The following TNS3 variants were observed in gnomAD, a reference collection of about 807,000 sequenced individuals.
TNS3 encodes the protein tensin-3.
A neutral mutation model predicts 140.9 loss-of-function variants in TNS3; 45 were observed. The observed-to-expected ratio is 0.32, with a 90% CI of 0.25 to 0.41. The LOEUF (loss-of-function observed/expected upper bound fraction) is 0.41, where lower values mean the gene tolerates loss of function less well. Among genes scored for constraint, TNS3 ranks in the 10% least tolerant of loss-of-function variants. The pLI, the probability that TNS3 is intolerant of heterozygous loss-of-function variation, is 1.00. For missense variants in TNS3, 1,716 were observed against 1,906.7 expected (o/e 0.90, Z 1.86); for synonymous variants, 815 against 788.4 (o/e 1.03, Z -0.56).
chr7:47,575,038 C>A (rs1262344246), intron 1 of TNS3, among the ~76,000 whole-genome samples: 5 of 151,796 alleles, frequency 3.3e-5, no homozygotes, highest in African/African-American at 1.2e-4. Flanking sequence ...TTTACCAAAG[C>A]TTAAAAAAAA....
intron 23 of TNS3, among the ~76,000 whole-genome samples, chr7:47,301,943 T>C (rs1428740506): frequency 6.6e-6 from 1 of 152,246 alleles, no homozygotes; most frequent in Non-Finnish European, 1.5e-5. Context: ...CACACTGGAA[T>C]GCTCATGGCT....
Position 47,488,212 on chromosome 7 carries a change from T to A in TNS3, c.-114-7071A>T, listed in dbSNP as rs544950462. Among the ~76,000 whole-genome samples the A allele has an allele frequency of 3.3e-5, 5 of 152,334 alleles. No homozygotes were observed. In the East Asian group the frequency reaches 9.6e-4, roughly 29 times the overall value. On this transcript the variant is annotated intron_variant, in intron 3 of 30. Coordinates refer to ENST00000311160, the MANE Select transcript of TNS3 (RefSeq NM_022748.12). ...CATTGTTCATGTGTTTATATTACCA[T>A]TATTATCATTTATTACAAGGGCAGG...
At chr7:47,493,662 CA>C (rs58803590) in intron 3 of TNS3, among the ~76,000 whole-genome samples, 5,493 of 118,866 alleles carry the variant, frequency 0.046, 227 homozygotes, top group African/African-American at 0.12. Context: ...ACTAAAAATA[CA>C]AAAAAAAAAA....
rs548644462 is a variant in TNS3, at chr7:47,541,283, C to CA, written c.-264-12137dup. On this transcript the variant is annotated intron_variant, in intron 1 of 30. Transcript: ENST00000311160. Reference sequence around the variant, plus strand: ...ACAGGAATCAGATATTGGTGTGACTCAGAGTTTCCAATCTAGAGACGTAGA... The same window carrying CA: ...ACAGGAATCAGATATTGGTGTGACTCAAGAGTTTCCAATCTAGAGACGTAGA... Among the ~76,000 whole-genome samples the CA allele has an allele frequency of 2.6e-4, 40 of 152,236 alleles. 1 individual carries two copies. The South Asian group carries it at 8.3e-3, about 32-fold the overall frequency.
chr7:47,414,490 A>C (rs1191227704), intron 11 of TNS3, among the ~76,000 whole-genome samples: 1 of 152,152 alleles, frequency 6.6e-6, no homozygotes, highest in Non-Finnish European at 1.5e-5. Flanking sequence ...GCATGGGACA[A>C]GGGAGGAGGG....
chr7:47,396,607 C>T, intron 16 of TNS3, 193 bp downstream of exon 16: 2 of 594,608 alleles, frequency 3.4e-6, no homozygotes, highest in African/African-American at 1.9e-5. Flanking sequence ...CTGACCCAAA[C>T]TCACCATGCC....
intron 17 of TNS3, among the ~76,000 whole-genome samples, chr7:47,350,421 G>A (rs1169399852): frequency 6.6e-6 from 1 of 152,220 alleles, no homozygotes; most frequent in African/African-American, 2.4e-5. Flanking sequence ...GAACCTGGTG[G>A]GGGTGCATTT....
At chr7:47,357,287 G>A (rs929263958) in intron 17 of TNS3, among the ~76,000 whole-genome samples, 13 of 152,174 alleles carry the variant, frequency 8.5e-5, no homozygotes, top group African/African-American at 2.9e-4. Flanking sequence ...GTGCCTGATA[G>A]GTTCTGGAAG....
chr7:47,298,335 A>C (rs147336985), intron 23 of TNS3, among the ~76,000 whole-genome samples: 14 of 152,166 alleles, frequency 9.2e-5, no homozygotes, highest in Non-Finnish European at 1.8e-4. Context: ...TTCCCTGGTG[A>C]GGCTGGTAGG....
chr7:47,527,632 G>C (rs562081029), intron 2 of TNS3, among the ~76,000 whole-genome samples: 1 of 152,162 alleles, frequency 6.6e-6, no homozygotes, highest in Non-Finnish European at 1.5e-5. Context: ...GCAAGTATGG[G>C]CTTAAAACAA....
In TNS3 at chr7:47,389,080, A is replaced by AG. The variant is rs1792309636; in HGVS notation, c.1024+7719dup. ...AAGAAGAAGAAGAAGAAGAAGAAGA[A>AG]GAAGAGGAAGAGGAAGAGGAAGCGG... On this transcript the variant is annotated intron_variant, in intron 16 of 30. Transcript: ENST00000311160. Among the ~76,000 whole-genome samples the AG allele has an allele frequency of 4.6e-5, 3 of 65,782 alleles. 1 individual carries two copies. Among genetic ancestry groups the AG allele is most frequent in the African/African-American group, 2.0e-4 (3 of 15,136 alleles). The allele number at this position is 65,782 out of a possible 152,430, so 43.2% of individuals were successfully genotyped here.
At chr7:47,460,596 T>A (rs1796449915) in intron 4 of TNS3, among the ~76,000 whole-genome samples, 1 of 152,172 alleles carries the variant, frequency 6.6e-6, no homozygotes, top group Non-Finnish European at 1.5e-5. Context: ...CTTCACCCTC[T>A]CCTGGCAGGA....
At chr7:47,511,576 G>A (rs528931601) in intron 2 of TNS3, among the ~76,000 whole-genome samples, 54 of 151,658 alleles carry the variant, frequency 3.6e-4, no homozygotes, top group African/African-American at 1.3e-3. Context: ...GGTCTTCTAG[G>A]ACCCTAGCAG....
intron 8 of TNS3, among the ~76,000 whole-genome samples, chr7:47,430,056 C>T (rs1457849678): frequency 6.6e-6 from 1 of 152,184 alleles, no homozygotes; most frequent in Non-Finnish European, 1.5e-5. Flanking sequence ...GTGACATTCA[C>T]CCCATTATCA....
Position 47,275,928 on chromosome 7 carries a change from G to C in TNS3, c.*2148C>G, listed in dbSNP as rs1320437403. 3.1e-5 allele frequency: 14 copies of C among 452,706 alleles called. No homozygotes were observed. The highest frequency in any genetic ancestry group is 2.2e-4 in the South Asian group (14 of 64,210). 28.0% of individuals were successfully genotyped at this position (452,706 alleles called of 1,614,324 possible). ...TGCGTTTCTCAATACTGAGACCCTA[G>C]TTTGCTCTGACTTCTAAATGAGCTC... On this transcript the variant is annotated 3_prime_UTR_variant, in exon 31 of 31. Transcript: ENST00000311160.
At chr7:47,351,141 T>C (rs1789645730) in intron 17 of TNS3, among the ~76,000 whole-genome samples, 1 of 152,236 alleles carries the variant, frequency 6.6e-6, no homozygotes, top group Admixed American at 6.5e-5. Flanking sequence ...TTTTATTTTG[T>C]AGTACTCTGT....
chr7:47,344,595 C>G (rs951717408), intron 20 of TNS3, among the ~76,000 whole-genome samples, 160 bp downstream of exon 20: 3 of 152,262 alleles, frequency 2.0e-5, no homozygotes, highest in Admixed American at 6.5e-5. Context: ...ACGGCCACAT[C>G]CCTACATCTT....
At chr7:47,429,589 G>A (rs773389727) in intron 8 of TNS3, among the ~76,000 whole-genome samples, 2 of 152,106 alleles carry the variant, frequency 1.3e-5, no homozygotes, top group Non-Finnish European at 1.5e-5. Flanking sequence ...GGATGGTCTC[G>A]ATCTCCTGAC....
At chr7:47,567,683 C>CAAAAA (rs57071957) in intron 1 of TNS3, among the ~76,000 whole-genome samples, 5 of 85,026 alleles carry the variant, frequency 5.9e-5, no homozygotes, top group African/African-American at 1.3e-4. Flanking sequence ...GACTCGGTCT[C>CAAAAA]AAAAAAAAAA....
Sources: allele counts gnomAD v4.1 joint callset (sites outside exome capture counted in the v4.1 genomes callset), GRCh38; gene constraint gnomAD v4.1.1; transcripts MANE v1.5; gene names NCBI Gene and HGNC (gene_info 2026-07-23, HGNC 2026-07-21).